RAPGEF5: variants seen among roughly 807,000 people sequenced by gnomAD.
The protein encoded by RAPGEF5 is Rap guanine nucleotide exchange factor 5, also known as M-Ras-regulated GEF.
A neutral mutation model predicts 125.2 loss-of-function variants in RAPGEF5; 65 were observed. The ratio of observed to expected loss-of-function variants is 0.52; its 90% CI spans 0.43 to 0.64. The LOEUF (loss-of-function observed/expected upper bound fraction) is 0.64, where lower values mean the gene tolerates loss of function less well. Ranked by LOEUF, RAPGEF5 falls within the 30% of genes least tolerant of loss-of-function variation. RAPGEF5 has a pLI of 0.00. For missense variants in RAPGEF5, 958 were observed against 1,048.1 expected (o/e 0.91, Z 1.19); for synonymous variants, 391 against 385.9 (o/e 1.01, Z -0.16).
At chr7:22,274,971 T>A (rs2128143448) in intron 6 of RAPGEF5, among the ~76,000 whole-genome samples, 1 of 152,306 alleles carries the variant, frequency 6.6e-6, no homozygotes, top group African/African-American at 2.4e-5. Flanking sequence ...CATCTCTATC[T>A]CCATTCCTCC....
intron 1 of RAPGEF5, among the ~76,000 whole-genome samples, chr7:22,342,623 G>T (rs1006677017): frequency 1.3e-5 from 2 of 152,170 alleles, no homozygotes; most frequent in Non-Finnish European, 2.9e-5. Flanking sequence ...CCTCTTGAAT[G>T]CTTTGCTGCT....
intron 11 of RAPGEF5, among the ~76,000 whole-genome samples, chr7:22,189,244 G>C (rs1164867622): frequency 1.3e-5 from 2 of 151,710 alleles, no homozygotes; most frequent in East Asian, 3.9e-4. Context: ...TATTTCCTAT[G>C]TTTTCCCTAA....
intron 10 of RAPGEF5, chr7:22,193,684 C>A (rs1445173078): frequency 6.4e-7 from 1 of 1,550,976 alleles, no homozygotes; most frequent in South Asian, 1.2e-5. Context: ...CTAACAAAGG[C>A]ATCCCCTAAA....
chr7:22,150,512 T>TCAA lies in RAPGEF5; in HGVS notation c.1787-9_1787-8insTTG. 3.0e-6 allele frequency: 4 copies of TCAA among 1,324,576 alleles called. No homozygotes were observed. The highest frequency in any genetic ancestry group is 1.9e-6 in the Non-Finnish European group (2 of 1,028,038). 82.1% of individuals were successfully genotyped at this position (1,324,576 alleles called of 1,614,324 possible). ...GCTGAAGTTCATGCTTTTCTTTATT[T>TCAA]GAAAAAAAAAAAAAAAAAAGGAATA... is the stretch of plus-strand genomic sequence containing the variant. On this transcript the variant is annotated splice_polypyrimidine_tract_variant and intron_variant, in intron 17 of 25. Coordinates refer to ENST00000665637, the MANE Select transcript of RAPGEF5 (RefSeq NM_012294.5).
chr7:22,125,564 A>C, intron 25 of RAPGEF5, 40 bp downstream of exon 25: 1 of 1,557,432 alleles, frequency 6.4e-7, no homozygotes, highest in South Asian at 1.1e-5. Flanking sequence ...GTACCAACGT[A>C]GAGTCAATTT....
intron 24 of RAPGEF5, among the ~76,000 whole-genome samples, chr7:22,125,922 C>A (rs140924479): frequency 1.3e-5 from 2 of 151,964 alleles, no homozygotes; most frequent in Non-Finnish European, 2.9e-5. Context: ...CTGAGGTGGG[C>A]GGATCACTTG....
intron 9 of RAPGEF5, among the ~76,000 whole-genome samples, chr7:22,211,332 A>C (rs926115274): frequency 8.5e-5 from 13 of 152,256 alleles, no homozygotes; most frequent in African/African-American, 3.1e-4. Context: ...CAGCACAGTA[A>C]GTTGTATTTA....
intron 8 of RAPGEF5, among the ~76,000 whole-genome samples, chr7:22,224,736 G>A (rs886428273): frequency 7.2e-5 from 11 of 152,006 alleles, no homozygotes; most frequent in East Asian, 1.9e-4. Context: ...TCCTTTCACC[G>A]GCACTGGCTC....
chr7:22,239,363 C>T (rs773522037), intron 7 of RAPGEF5, among the ~76,000 whole-genome samples: 12 of 152,096 alleles, frequency 7.9e-5, no homozygotes, highest in Admixed American at 7.9e-4. Flanking sequence ...TTTTTATTAA[C>T]GTTTGAATAA....
At chr7:22,304,454 G>C (rs1048417325) in intron 5 of RAPGEF5, among the ~76,000 whole-genome samples, 45 of 152,196 alleles carry the variant, frequency 3.0e-4, no homozygotes, top group Non-Finnish European at 1.3e-4. Flanking sequence ...GTAATCTGGA[G>C]TTATTATTAG....
intron 6 of RAPGEF5, among the ~76,000 whole-genome samples, chr7:22,271,507 C>G (rs942833727): frequency 3.3e-5 from 5 of 152,126 alleles, no homozygotes; most frequent in African/African-American, 1.2e-4. Flanking sequence ...GTTCGACAGA[C>G]AAGATTTATT....
chr7:22,342,680 A>C lies in RAPGEF5; in HGVS notation c.231+14150T>G, dbSNP rs868522207. On this transcript the variant is annotated intron_variant, in intron 1 of 25. Transcript: ENST00000665637. ...ACCCTAAATCATCTCTCTCAAGTTC[A>C]AAGTTCCACAAATCTCTAGGACAGG... 6.6e-5 allele frequency among the ~76,000 whole-genome samples: 10 copies of C among 152,310 alleles called. No homozygotes were observed. The South Asian group carries it at 2.1e-3, about 32-fold the overall frequency.
intron 6 of RAPGEF5, among the ~76,000 whole-genome samples, chr7:22,283,109 C>A (rs1782713528): frequency 6.6e-6 from 1 of 151,552 alleles, no homozygotes; most frequent in Admixed American, 6.6e-5. Flanking sequence ...TAATTTATTT[C>A]TGGGTCATTT....
chr7:22,357,067 A>G lies in RAPGEF5; in HGVS notation c.-7T>C, dbSNP rs1784436544. 2 of 1,035,964 alleles carry G rather than the reference A, an allele frequency of 1.9e-6. No individual in the cohort carries two copies. The highest frequency in any genetic ancestry group is 1.2e-6 in the Non-Finnish European group (1 of 863,810). 64.2% of individuals were successfully genotyped at this position (1,035,964 alleles called of 1,614,324 possible). On this transcript the variant is annotated 5_prime_UTR_variant, in exon 1 of 26. Coordinates refer to ENST00000665637, the MANE Select transcript of RAPGEF5 (RefSeq NM_012294.5). Reference sequence around the variant, plus strand: ...AGCCCACGGCCATCCTCATGCCCTGACGGCGCTGCGGCGCCGGGGGCTCCT... The same window carrying G: ...AGCCCACGGCCATCCTCATGCCCTGGCGGCGCTGCGGCGCCGGGGGCTCCT...
intron 9 of RAPGEF5, among the ~76,000 whole-genome samples, chr7:22,200,486 A>C (rs1785252123): frequency 1.3e-5 from 2 of 152,206 alleles, no homozygotes; most frequent in African/African-American, 4.8e-5. Flanking sequence ...GAGAGTATTT[A>C]GATAACGACA....
chr7:22,279,344 CAAATT>C (rs1401792484), intron 6 of RAPGEF5, among the ~76,000 whole-genome samples: 1 of 152,138 alleles, frequency 6.6e-6, no homozygotes, highest in East Asian at 1.9e-4. Context: ...AATCCAAACT[CAAATT>C]AAATTAAAAT....
intron 11 of RAPGEF5, among the ~76,000 whole-genome samples, chr7:22,170,234 G>A (rs2128116694): frequency 6.6e-6 from 1 of 152,206 alleles, no homozygotes; most frequent in Admixed American, 6.5e-5. Context: ...TTTGTAGTTT[G>A]AGTAGAGATG....
At chr7:22,156,722 A>G in intron 16 of RAPGEF5, 88 bp downstream of exon 16, 1 of 1,583,538 alleles carries the variant, frequency 6.3e-7, no homozygotes, top group Non-Finnish European at 8.6e-7. Context: ...CTGGAAATGA[A>G]GGTTAGTCAG....
chr7:22,154,244 A>G (rs1332683813), intron 17 of RAPGEF5, among the ~76,000 whole-genome samples: 4 of 152,150 alleles, frequency 2.6e-5, no homozygotes, highest in Non-Finnish European at 4.4e-5. Context: ...ATGCCTCTCT[A>G]TTCAGTTCTT....
Sources: gnomAD v4.1 joint callset for allele counts (sites outside exome capture counted in the v4.1 genomes callset) on GRCh38, gnomAD v4.1.1 for gene constraint, MANE v1.5 for transcripts, NCBI Gene and HGNC (gene_info 2026-07-23, HGNC 2026-07-21) for gene names.